TJP1: variants seen among roughly 807,000 people sequenced by gnomAD.
TJP1 encodes tight junction protein ZO-1.
In TJP1, 43 loss-of-function variants were observed where a neutral mutation model predicts 194.2. The observed-to-expected ratio is 0.22, with a 90% CI of 0.17 to 0.29. TJP1 has a LOEUF of 0.29. Among genes scored for constraint, TJP1 ranks in the 10% least tolerant of loss-of-function variants. The pLI is 1.00. For missense variants in TJP1, 1,971 were observed against 2,185.7 expected (o/e 0.90, Z 1.96); for synonymous variants, 801 against 779.0 (o/e 1.03, Z -0.47).
In TJP1 at chr15:29,766,298, T is replaced by C; in HGVS notation, c.557A>G (p.Lys186Arg). The change falls in exon 5 of 28, where the codon AAA becomes AGA. Residue 186 changes from lysine to arginine, a missense_variant. By Grantham distance (26) the Lys-to-Arg change is conservative (BLOSUM62 2). Around this residue, in one of 5 missense-constraint regions of TJP1, gnomAD observed 245 missense variants for 336.6 expected, o/e 0.73. Transcript: ENST00000614355. ...TTTCCGGGATTTCACCAGTGTGACT[T>C]TAGTAGGTTTAGCAGGCTGGCTGGA... ...VASSQPAKPT[K>R]VTLVKSRKNE... is the part of the protein sequence containing the mutation. 1.2e-6 allele frequency: 2 copies of C among 1,613,932 alleles called. No homozygotes were observed. The highest frequency in any genetic ancestry group is 1.7e-6 in the Non-Finnish European group (2 of 1,179,950).
chr15:29,754,352 G>GC (rs1291605066), intron 8 of TJP1, among the ~76,000 whole-genome samples: 1 of 152,044 alleles, frequency 6.6e-6, no homozygotes, highest in African/African-American at 2.4e-5. Context: ...AAAACAACAG[G>GC]CACTGGGGTC....
intron 15 of TJP1, 140 bp downstream of exon 15, chr15:29,732,293 C>G: frequency 1.4e-6 from 1 of 723,686 alleles, no homozygotes; most frequent in Non-Finnish European, 2.3e-6. Flanking sequence ...GGGGTTTTCT[C>G]ACCAAATTAA....
intron 4 of TJP1, among the ~76,000 whole-genome samples, chr15:29,767,442 T>C (rs2046395489): frequency 6.6e-6 from 1 of 152,220 alleles, no homozygotes. Context: ...AGTTCCATCC[T>C]GGTTTCACTC....
At chr15:29,836,407 G>A (rs902491896) in intron 2 of TJP1, among the ~76,000 whole-genome samples, 3 of 151,902 alleles carry the variant, frequency 2.0e-5, no homozygotes, top group Non-Finnish European at 2.9e-5. Flanking sequence ...CGAGTAGCTG[G>A]GACTACAGGC....
At chr15:29,759,966 T>C (rs958443098) in intron 8 of TJP1, 2 of 448,642 alleles carry the variant, frequency 4.5e-6, no homozygotes. Context: ...TCATTTCCTT[T>C]GGATATGTAC....
intron 1 of TJP1, among the ~76,000 whole-genome samples, chr15:29,963,604 A>C (rs756737907): frequency 2.6e-5 from 4 of 152,166 alleles, no homozygotes; most frequent in Non-Finnish European, 5.9e-5. Context: ...AAATGTTTTT[A>C]GAGTATAAAG....
At chr15:29,755,210 T>A (rs892761751) in intron 8 of TJP1, among the ~76,000 whole-genome samples, 2 of 152,216 alleles carry the variant, frequency 1.3e-5, no homozygotes, top group Admixed American at 1.3e-4. Flanking sequence ...GGCTACACCA[T>A]ATAGCCTGGG....
At chr15:29,800,587 T>C in intron 2 of TJP1, 59 bp downstream of exon 2, 1 of 1,566,460 alleles carries the variant, frequency 6.4e-7, no homozygotes, top group South Asian at 1.2e-5. Context: ...CCTCTATTGT[T>C]TTCAAAGCTG....
intron 2 of TJP1, among the ~76,000 whole-genome samples, chr15:29,887,515 G>A (rs2053159660): frequency 6.6e-6 from 1 of 151,844 alleles, no homozygotes; most frequent in South Asian, 2.1e-4. Flanking sequence ...TAGCCAGGCT[G>A]GTCTTGAACT....
chr15:29,730,364 T>A (rs2043545145), intron 15 of TJP1, among the ~76,000 whole-genome samples: 1 of 151,988 alleles, frequency 6.6e-6, no homozygotes, highest in Non-Finnish European at 1.5e-5. Flanking sequence ...AGAGATCACT[T>A]GAGCCCAGGA....
intron 2 of TJP1, among the ~76,000 whole-genome samples, chr15:29,857,119 T>C (rs867097829): frequency 3.3e-5 from 5 of 152,108 alleles, no homozygotes; most frequent in Non-Finnish European, 7.3e-5. Flanking sequence ...ATCCCCCATA[T>C]ATACCAAGGG....
intron 8 of TJP1, among the ~76,000 whole-genome samples, chr15:29,753,866 TAAA>T (rs2045471076): frequency 1.4e-5 from 2 of 148,056 alleles, no homozygotes; most frequent in African/African-American, 5.0e-5. Flanking sequence ...ATGGTGAGCC[TAAA>T]AAAGAACACG....
At chr15:29,786,408 CTTTAT>C (rs751376345) in intron 2 of TJP1, among the ~76,000 whole-genome samples, 3 of 152,294 alleles carry the variant, frequency 2.0e-5, no homozygotes, top group Non-Finnish European at 2.9e-5. Context: ...ATTACCTACC[CTTTAT>C]TTTATTTACT....
Position 29,930,941 on chromosome 15 carries a change from A to C in TJP1, c.306+25291T>G, listed in dbSNP as rs141900863. Among the ~76,000 whole-genome samples the C allele has an allele frequency of 4.6e-5, 7 of 152,348 alleles. 1 individual carries two copies. In the East Asian group the frequency reaches 1.3e-3, roughly 29 times the overall value. On this transcript the variant is annotated intron_variant, in intron 2 of 28. Transcript: ENST00000356107. ...ATAAAAATAAAAATATACAGCTGAC[A>C]CTTGAACAATGTGAGCGTTAGGAGT...
chr15:29,863,880 A>G (rs1422968161), intron 2 of TJP1, among the ~76,000 whole-genome samples: 1 of 152,112 alleles, frequency 6.6e-6, no homozygotes, highest in African/African-American at 2.4e-5. Flanking sequence ...GGAAGTAACA[A>G]AAAGTACATA....
At chr15:29,846,819 A>T (rs1719027) in intron 2 of TJP1, among the ~76,000 whole-genome samples, 4 of 151,634 alleles carry the variant, frequency 2.6e-5, no homozygotes, top group South Asian at 4.2e-4. Flanking sequence ...CCAGCTACTC[A>T]GGAGGCTGCG....
chr15:29,923,744 T>C (rs1021029458), intron 2 of TJP1, among the ~76,000 whole-genome samples: 3 of 152,198 alleles, frequency 2.0e-5, no homozygotes, highest in African/African-American at 7.2e-5. Context: ...AGTAGTATAT[T>C]CAACTCTGTG....
intron 8 of TJP1, among the ~76,000 whole-genome samples, chr15:29,748,635 C>G (rs2044992971): frequency 7.9e-6 from 1 of 127,274 alleles, no homozygotes; most frequent in Admixed American, 9.8e-5. Context: ...TGCAGTGGCA[C>G]AATCATACTT....
chr15:29,761,971 T>C (rs995413027), intron 6 of TJP1, among the ~76,000 whole-genome samples: 5 of 152,180 alleles, frequency 3.3e-5, no homozygotes, highest in African/African-American at 1.2e-4. Context: ...GAAAAACCCA[T>C]AGTAGCATCC....
Sources: allele counts gnomAD v4.1 joint callset (sites outside exome capture counted in the v4.1 genomes callset), GRCh38; gene constraint gnomAD v4.1.1; regional missense constraint gnomAD v4.1.1; transcripts MANE v1.5; gene names NCBI Gene and HGNC (gene_info 2026-07-23, HGNC 2026-07-21).